Variants in GTF3C1 observed in about 807,000 individuals in gnomAD.
The protein encoded by GTF3C1 is general transcription factor 3C polypeptide 1.
In GTF3C1, 57 loss-of-function variants were observed where a neutral mutation model predicts 226.7. That is an observed-to-expected ratio of 0.25 (90% CI 0.20 to 0.31). GTF3C1 has a LOEUF of 0.31. Among genes scored for constraint, GTF3C1 ranks in the 10% least tolerant of loss-of-function variants. The pLI, the probability that GTF3C1 is intolerant of heterozygous loss-of-function variation, is 1.00. For missense variants in GTF3C1, 2,217 were observed against 2,776.1 expected, an observed-to-expected ratio of 0.80 and a Z score of 4.53; for synonymous variants, 1,090 against 1,084.8, an observed-to-expected ratio of 1.00 and a Z score of -0.09.
chr16:27,480,937 G>A, intron 27 of GTF3C1, 142 bp downstream of exon 27: 1 of 655,458 alleles, frequency 1.5e-6, no homozygotes, highest in Non-Finnish European at 2.7e-6. Context: ...CCCATGAGAG[G>A]AGAGACAGGA....
chr16:27,461,816 GGA>G lies in GTF3C1; in HGVS notation c.6118-256_6118-255del, dbSNP rs986360995. On this transcript the variant is annotated intron_variant, in intron 36 of 36. Transcript: ENST00000356183. This position sits in a 1 kb window ranked among gnomAD's most constrained non-coding sequence, Gnocchi z 5.3. ...CACCACGCTGAATCTCATTTGTGGA[GGA>G]GAGGCCTGCAGCGCGGGATAAATCC... is the stretch of plus-strand genomic sequence containing the variant. The G allele has an allele frequency of 3.8e-6, 2 of 525,746 alleles. No individual in the cohort carries two copies. Among genetic ancestry groups the G allele is most frequent in the African/African-American group, 1.9e-5 (1 of 52,898 alleles). The allele number at this position is 525,746 out of a possible 1,614,324, so 32.6% of individuals were successfully genotyped here.
intron 3 of GTF3C1, 73 bp from the exon 4 acceptor site, chr16:27,538,000 C>A (rs2089026159): frequency 6.7e-7 from 1 of 1,502,800 alleles, no homozygotes; most frequent in African/African-American, 1.4e-5. Context: ...CTCACTTGGA[C>A]ATAAACACCA....
chr16:27,483,863 A>C (rs1027297321), intron 25 of GTF3C1, among the ~76,000 whole-genome samples: 1 of 152,194 alleles, frequency 6.6e-6, no homozygotes, highest in Non-Finnish European at 1.5e-5. Context: ...TGAGGGCCAA[A>C]AACAGCAGGA....
chr16:27,501,223 T>A lies in GTF3C1; in HGVS notation c.2029A>T (p.Thr677Ser), dbSNP rs1389544402. The change falls in exon 12 of 37, where the codon ACC becomes TCC. Residue 677 changes from threonine to serine, a missense_variant. By Grantham distance (58) the Thr-to-Ser change is moderately conservative. This residue lies in a region of GTF3C1 where 52 missense variants were observed against 110.8 expected (regional missense o/e 0.47). Coordinates refer to ENST00000356183, the MANE Select transcript of GTF3C1 (RefSeq NM_001520.4). ...TTGATGCCATCTTGAATGACAGTGG[T>A]CCGATACAATCGCAAGAGACCTTCC... ...SEEGLLRLYR[T>S]TVIQDGIKKK... 1 of 1,614,040 alleles carries A rather than the reference T, an allele frequency of 6.2e-7. No homozygotes were observed.
chr16:27,538,464 G>A (rs1445358623), intron 2 of GTF3C1, 108 bp from the exon 3 acceptor site: 1 of 672,326 alleles, frequency 1.5e-6, no homozygotes, highest in African/African-American at 1.8e-5. Context: ...TCTGCTAGGA[G>A]TTTACAAGAT....
intron 6 of GTF3C1, among the ~76,000 whole-genome samples, chr16:27,520,928 A>T (rs1030251028): frequency 1.3e-5 from 2 of 152,236 alleles, no homozygotes; most frequent in Admixed American, 1.3e-4. Flanking sequence ...CATGTTGGCC[A>T]GGCTGATCTT....
chr16:27,529,439 T>C (rs1447089495), intron 5 of GTF3C1, among the ~76,000 whole-genome samples: 7 of 120,204 alleles, frequency 5.8e-5, no homozygotes, highest in African/African-American at 2.3e-4. Context: ...AGACTCTGTT[T>C]CAAAAAAAAA....
intron 6 of GTF3C1, among the ~76,000 whole-genome samples, chr16:27,526,694 T>A (rs908685744): frequency 6.6e-6 from 1 of 152,250 alleles, no homozygotes; most frequent in African/African-American, 2.4e-5. Context: ...CCAAATGTCA[T>A]CACCAGCTCT....
rs989156569 is a variant in GTF3C1, at chr16:27,461,994, G to A, written c.6117+300C>T. On this transcript the variant is annotated intron_variant, in intron 36 of 36. Transcript: ENST00000356183. The surrounding 1 kb of genome is among the most constrained non-coding windows in gnomAD (Gnocchi z 5.3). ...GCCAAGCAGGAAGCAGCTGCACCAG[G>A]GGGCAGCTGCTTGACCCGTGGGGCC... The A allele has an allele frequency of 4.8e-6, 2 of 414,628 alleles. No homozygotes were observed. Among genetic ancestry groups the A allele is most frequent in the Admixed American group, 7.6e-5 (2 of 26,434 alleles). 25.7% of individuals were successfully genotyped at this position (414,628 alleles called of 1,614,324 possible).
chr16:27,465,400 G>T lies in GTF3C1; in HGVS notation c.5215C>A (p.Leu1739Met), dbSNP rs758841735. 2.5e-6 allele frequency: 4 copies of T among 1,614,086 alleles called. No individual in the cohort carries two copies. In the East Asian group the frequency reaches 8.9e-5, roughly 36 times the overall value. The change falls in exon 33 of 37, where the codon CTG becomes ATG. Residue 1739 changes from leucine to methionine, a missense_variant. Physicochemically the swap from Leu to Met is conservative, Grantham distance 15. Transcript: ENST00000356183. Reference protein sequence around the residue: ...LELSGYSPEDLTAALEILEAI... With the variant: ...LELSGYSPEDMTAALEILEAI... Reference sequence around the variant, plus strand: ...TCCAAGATCTCCAAGGCAGCAGTCAGGTCTTCGGGACTATACCCAGACAGC... The same window carrying T: ...TCCAAGATCTCCAAGGCAGCAGTCATGTCTTCGGGACTATACCCAGACAGC...
intron 28 of GTF3C1, among the ~76,000 whole-genome samples, chr16:27,477,159 G>T (rs1403155334): frequency 1.3e-5 from 2 of 152,148 alleles, no homozygotes; most frequent in African/African-American, 4.8e-5. Context: ...CTTATACATA[G>T]ATTTTCTTTC....
chr16:27,465,667 G>T, intron 32 of GTF3C1, 127 bp from the exon 33 acceptor site: 1 of 738,234 alleles, frequency 1.4e-6, no homozygotes, highest in East Asian at 2.7e-5. Context: ...CAGCCACAGG[G>T]GTCACCTGCT....
At chr16:27,525,656 C>A (rs1197959364) in intron 6 of GTF3C1, among the ~76,000 whole-genome samples, 1 of 152,202 alleles carries the variant, frequency 6.6e-6, no homozygotes, top group Non-Finnish European at 1.5e-5. Context: ...CGCCTGCCTA[C>A]CTTCTGCAGG....
chr16:27,472,453 C>T (rs1285930558), intron 29 of GTF3C1, among the ~76,000 whole-genome samples: 1 of 152,216 alleles, frequency 6.6e-6, no homozygotes, highest in Non-Finnish European at 1.5e-5. Flanking sequence ...TTCTCCACAG[C>T]AGCCAGAGTA....
chr16:27,476,155 T>C (rs2087947049), intron 29 of GTF3C1, among the ~76,000 whole-genome samples: 1 of 152,144 alleles, frequency 6.6e-6, no homozygotes, highest in Non-Finnish European at 1.5e-5. Flanking sequence ...CTCACCATAA[T>C]GAGAAAAGGT....
In GTF3C1 at chr16:27,497,740, C is replaced by T. The variant is rs1156527687; in HGVS notation, c.2247G>A (p.Gly749=). The part of the protein sequence containing the change: ...SQGKEGPSGS[G]DSQLSASSRS... ...TAGAGGAAGCACTCAGCTGAGAGTC[C>T]CCTGATCCACTTGGGCCCTCTTTTC... is the stretch of plus-strand genomic sequence containing the variant. Residue 749 remains glycine (G), a synonymous_variant, in exon 14 of 37, where the codon GGG becomes GGA. Transcript: ENST00000356183. The T allele has an allele frequency of 2.5e-6, 4 of 1,613,384 alleles. No homozygotes were observed. Among genetic ancestry groups the T allele is most frequent in the Admixed American group, 3.3e-5 (2 of 59,986 alleles).
At chr16:27,491,320 G>T (rs1003531947) in intron 19 of GTF3C1, among the ~76,000 whole-genome samples, 1 of 152,190 alleles carries the variant, frequency 6.6e-6, no homozygotes, top group African/African-American at 2.4e-5. Flanking sequence ...AGAGGTGGCA[G>T]GAAAAGGCCA....
intron 6 of GTF3C1, among the ~76,000 whole-genome samples, chr16:27,517,084 G>A (rs746757213): frequency 6.6e-6 from 1 of 152,196 alleles, no homozygotes; most frequent in African/African-American, 2.4e-5. Context: ...TCAGCCTCAA[G>A]TGTCTTGCCT....
At chr16:27,546,966 G>C (rs144611448) in intron 1 of GTF3C1, among the ~76,000 whole-genome samples, 2 of 151,592 alleles carry the variant, frequency 1.3e-5, no homozygotes. Flanking sequence ...AGGGTTTCAC[G>C]ATGTTGGCCA....
Sources: allele counts gnomAD v4.1 joint callset (sites outside exome capture counted in the v4.1 genomes callset), GRCh38; gene constraint gnomAD v4.1.1; regional missense constraint gnomAD v4.1.1; non-coding constraint Gnocchi (gnomAD v3.1); transcripts MANE v1.5; gene names NCBI Gene and HGNC (gene_info 2026-07-23, HGNC 2026-07-21).